Variants in PRKCA observed in about 807,000 individuals in gnomAD.
PRKCA encodes the protein protein kinase C alpha, also known as protein kinase C alpha type.
A neutral mutation model predicts 87.0 loss-of-function variants in PRKCA; 27 were observed. The observed-to-expected ratio is 0.31, with a 90% CI of 0.23 to 0.43. PRKCA has a LOEUF of 0.43. PRKCA is among the 20% of genes least tolerant of loss of function. The probability of loss-of-function intolerance (pLI) is 1.00; values close to 1 mark genes in which losing one functional copy is unlikely to be tolerated. For missense variants in PRKCA, 518 were observed against 852.3 expected, an observed-to-expected ratio of 0.61 and a Z score of 4.88; for synonymous variants, 329 against 311.1, an observed-to-expected ratio of 1.06 and a Z score of -0.61.
chr17:66,467,091 A>G (rs918521587), intron 2 of PRKCA, among the ~76,000 whole-genome samples: 3 of 152,136 alleles, frequency 2.0e-5, no homozygotes, highest in Non-Finnish European at 4.4e-5. Context: ...TGTTCAACAC[A>G]TTATTTTCCT....
chr17:66,338,759 A>T (rs968927323), intron 2 of PRKCA, among the ~76,000 whole-genome samples: 6 of 152,194 alleles, frequency 3.9e-5, no homozygotes, highest in African/African-American at 4.8e-5. Flanking sequence ...AACCAATAAG[A>T]TGTTTTTGCT....
intron 2 of PRKCA, among the ~76,000 whole-genome samples, chr17:66,406,585 G>GTTTTTTTTTTTTTT (rs71160568): frequency 0.14 from 10,110 of 69,742 alleles, 2,442 homozygotes; most frequent in East Asian, 0.2. Context: ...GCTTTTCCAG[G>GTTTTTTTTTTTTTT]TTTTTTTTTT....
At chr17:66,312,361 T>G (rs942128207) in intron 2 of PRKCA, among the ~76,000 whole-genome samples, 4 of 152,350 alleles carry the variant, frequency 2.6e-5, no homozygotes, top group Middle Eastern at 3.4e-3. Flanking sequence ...CTATTGAAAT[T>G]TAAGTTTTTA....
intron 3 of PRKCA, among the ~76,000 whole-genome samples, chr17:66,605,612 T>C (rs1025640716): frequency 3.3e-5 from 5 of 152,182 alleles, no homozygotes; most frequent in Non-Finnish European, 5.9e-5. Flanking sequence ...CCGAAGAGAA[T>C]GAAAACATAT....
At chr17:66,508,944 C>T (rs1917096845) in intron 3 of PRKCA, among the ~76,000 whole-genome samples, 1 of 152,198 alleles carries the variant, frequency 6.6e-6, no homozygotes, top group Admixed American at 6.5e-5. Context: ...TGGCTGTTAG[C>T]TGTGGCTGCT....
At chr17:66,543,857 T>C (rs552457128) in intron 3 of PRKCA, among the ~76,000 whole-genome samples, 2 of 152,184 alleles carry the variant, frequency 1.3e-5, no homozygotes, top group East Asian at 3.9e-4. Context: ...GGGAGGATGG[T>C]AAAACAGTAG....
At chr17:66,512,457 A>AAGTGTGT (rs1484252990) in intron 3 of PRKCA, among the ~76,000 whole-genome samples, 1 of 144,364 alleles carries the variant, frequency 6.9e-6, no homozygotes, top group South Asian at 2.3e-4. Context: ...CAACAAAAAA[A>AAGTGTGT]GTGTGTGTGT....
intron 5 of PRKCA, among the ~76,000 whole-genome samples, chr17:66,651,385 A>G (rs940457142): frequency 6.6e-6 from 1 of 152,214 alleles, no homozygotes; most frequent in Non-Finnish European, 1.5e-5. Flanking sequence ...CAACAAGAAC[A>G]GAGCATCAGT....
At chr17:66,358,254 T>G (rs977507463) in intron 2 of PRKCA, among the ~76,000 whole-genome samples, 4 of 152,134 alleles carry the variant, frequency 2.6e-5, no homozygotes, top group African/African-American at 9.7e-5. Context: ...CTTTGAGGGC[T>G]GAGTTTAAAT....
chr17:66,745,563 C>A (rs1236234456), intron 13 of PRKCA, among the ~76,000 whole-genome samples: 1 of 151,750 alleles, frequency 6.6e-6, no homozygotes, highest in East Asian at 1.9e-4. Context: ...TGCCTGTAAT[C>A]CCAGCTGCTC....
At chr17:66,742,891 G>A in intron 13 of PRKCA, 131 bp downstream of exon 13, 2 of 978,770 alleles carry the variant, frequency 2.0e-6, no homozygotes, top group Non-Finnish European at 2.9e-6. Flanking sequence ...GACTAAACTG[G>A]ACAAAACAGA....
At chr17:66,684,162 C>G (rs945806586) in intron 5 of PRKCA, among the ~76,000 whole-genome samples, 1 of 152,212 alleles carries the variant, frequency 6.6e-6, no homozygotes, top group Admixed American at 6.5e-5. Flanking sequence ...GGTGCAGTTT[C>G]TGCACATCTA....
At chr17:66,775,172 G>C in intron 14 of PRKCA, 1 of 963,092 alleles carries the variant, frequency 1.0e-6, no homozygotes, top group African/African-American at 1.8e-5. Context: ...CCTGTGGTCA[G>C]TGCCCACCCC....
chr17:66,588,343 C>T (rs1281701545), intron 3 of PRKCA, among the ~76,000 whole-genome samples: 3 of 152,096 alleles, frequency 2.0e-5, no homozygotes, highest in African/African-American at 7.2e-5. Context: ...GCTTTACTCA[C>T]TGATTGGTAG....
intron 3 of PRKCA, among the ~76,000 whole-genome samples, chr17:66,529,443 C>T (rs1967462923): frequency 6.6e-6 from 1 of 152,110 alleles, no homozygotes; most frequent in African/African-American, 2.4e-5. Flanking sequence ...GAAAGGAGCT[C>T]ATGCCTCATG....
At chr17:66,488,934 C>T (rs927232577) in intron 2 of PRKCA, among the ~76,000 whole-genome samples, 15 of 152,068 alleles carry the variant, frequency 9.9e-5, no homozygotes, top group Admixed American at 1.3e-4. Context: ...AATATAAGCT[C>T]ACTTTTTCAT....
intron 2 of PRKCA, among the ~76,000 whole-genome samples, chr17:66,469,873 AG>A (rs956244932): frequency 3.9e-5 from 6 of 152,192 alleles, no homozygotes; most frequent in African/African-American, 1.4e-4. Flanking sequence ...AGAGTCTTAG[AG>A]GAAACATAAA....
At chr17:66,311,023 G>A (rs1169911083) in intron 2 of PRKCA, among the ~76,000 whole-genome samples, 2 of 152,124 alleles carry the variant, frequency 1.3e-5, no homozygotes, top group African/African-American at 4.8e-5. Context: ...GCCTCTGGCT[G>A]CCCGCTGGTT....
chr17:66,354,110 G>A (rs1425543686), intron 2 of PRKCA, among the ~76,000 whole-genome samples: 5 of 152,164 alleles, frequency 3.3e-5, no homozygotes, highest in South Asian at 4.1e-4. Context: ...GATCGCAGAC[G>A]CGAACATTGT....
Sources: gnomAD v4.1 joint callset for allele counts (sites outside exome capture counted in the v4.1 genomes callset) on GRCh38, gnomAD v4.1.1 for gene constraint, MANE v1.5 for transcripts, NCBI Gene and HGNC (gene_info 2026-07-23, HGNC 2026-07-21) for gene names.